The following ZFP64 variants were observed in gnomAD, a reference collection of about 807,000 sequenced individuals.
ZFP64 encodes the protein zinc finger protein 64.
ZFP64 carries 14 observed loss-of-function variants against 51.6 expected under a neutral mutation model. The observed-to-expected ratio is 0.27, with a 90% CI of 0.18 to 0.42. ZFP64 has a LOEUF of 0.42. Ranked by LOEUF, ZFP64 falls within the 10% of genes least tolerant of loss-of-function variation. ZFP64 has a pLI of 1.00. For synonymous variants in ZFP64, 375 were observed against 361.4 expected (o/e 1.04, Z -0.43); for missense variants, 754 against 906.8 (o/e 0.83, Z 2.16).
rs541249764 is a variant in ZFP64, at chr20:52,110,332, T to C, written c.764-11745A>G. On this transcript the variant is annotated intron_variant, in intron 5 of 8. Coordinates refer to the ZFP64 transcript ENST00000361387. ...ACCCCTACCAAACCCTGGAAAACCA[T>C]AGAGAGCCTTTTTACAACTCCTCGT... 453 of 494,074 alleles carry C rather than the reference T, an allele frequency of 9.2e-4. 1 individual carries two copies. Among genetic ancestry groups the C allele is most frequent in the Non-Finnish European group, 1.4e-3 (392 of 275,078 alleles). The allele number at this position is 494,074 out of a possible 1,614,324, so 30.6% of individuals were successfully genotyped here.
At chr20:52,162,631 A>C (rs1432800594) in intron 4 of ZFP64, among the ~76,000 whole-genome samples, 1 of 152,164 alleles carries the variant, frequency 6.6e-6, no homozygotes, top group East Asian at 1.9e-4. Context: ...TGTCTCAAAA[A>C]AACAAAACAA....
downstream of ZFP64, among the ~76,000 whole-genome samples, chr20:52,146,532 G>C (rs1465349731): frequency 7.0e-6 from 1 of 143,484 alleles, no homozygotes; most frequent in African/African-American, 2.6e-5. Context: ...TGAACAATGA[G>C]AACACATGGA....
chr20:52,107,656 T>A (rs531219871), intron 5 of ZFP64, among the ~76,000 whole-genome samples: 1 of 152,372 alleles, frequency 6.6e-6, no homozygotes, highest in Non-Finnish European at 1.5e-5. Flanking sequence ...TTTTTTCACT[T>A]AATATTATTT....
intron 2 of ZFP64, among the ~76,000 whole-genome samples, chr20:52,173,480 T>C (rs939179617): frequency 2.0e-5 from 3 of 152,070 alleles, no homozygotes; most frequent in Non-Finnish European, 4.4e-5. Flanking sequence ...TTCAGCTAAT[T>C]GTGGGGCTGA....
chr20:52,173,033 C>G (rs1298247623), intron 2 of ZFP64, among the ~76,000 whole-genome samples: 10 of 152,096 alleles, frequency 6.6e-5, no homozygotes, highest in Admixed American at 6.6e-4. Context: ...TAATCCACAT[C>G]TATTTCTCTG....
chr20:52,091,302 A>G (rs774832120), intron 7 of ZFP64, among the ~76,000 whole-genome samples: 13 of 152,214 alleles, frequency 8.5e-5, no homozygotes, highest in Non-Finnish European at 1.5e-4. Context: ...GGTTGAGACC[A>G]GCCTGGGCAA....
chr20:52,184,141 T>C (rs529952931), intron 2 of ZFP64, among the ~76,000 whole-genome samples: 1 of 152,298 alleles, frequency 6.6e-6, no homozygotes, highest in Non-Finnish European at 1.5e-5. Context: ...CCACTGCGCC[T>C]GGCCCTGACG....
chr20:52,147,292 C>T (rs1980572756), downstream of ZFP64, among the ~76,000 whole-genome samples: 1 of 152,098 alleles, frequency 6.6e-6, no homozygotes, highest in Non-Finnish European at 1.5e-5. Context: ...GCCTCCACCT[C>T]CTGGGTTCAA....
chr20:52,159,530 A>G (rs1163026839), intron 5 of ZFP64, among the ~76,000 whole-genome samples: 4 of 152,204 alleles, frequency 2.6e-5, no homozygotes, highest in African/African-American at 7.2e-5. Flanking sequence ...TTTACTGAGA[A>G]AGGCTCTTCA....
At chr20:52,103,750 G>C (rs771934358) in intron 5 of ZFP64, among the ~76,000 whole-genome samples, 2 of 152,202 alleles carry the variant, frequency 1.3e-5, no homozygotes, top group African/African-American at 4.8e-5. Context: ...CCCAGGGGAC[G>C]GGATCCTGTA....
At chr20:52,097,103 C>T in intron 7 of ZFP64, 1 of 693,558 alleles carries the variant, frequency 1.4e-6, no homozygotes, top group Non-Finnish European at 2.6e-6. Context: ...TTCTCAGCAG[C>T]TGGCTGCCCT....
intron 7 of ZFP64, among the ~76,000 whole-genome samples, chr20:52,096,521 T>G (rs879428542): frequency 1.3e-5 from 2 of 152,226 alleles, no homozygotes; most frequent in Admixed American, 1.3e-4. Context: ...ACCAATATTC[T>G]CGCTCAAACA....
chr20:52,175,804 A>G (rs988112726), intron 2 of ZFP64: 55 of 633,756 alleles, frequency 8.7e-5, no homozygotes, highest in Non-Finnish European at 1.0e-4. Context: ...AGATCGCACT[A>G]CACTCCAGCC....
In ZFP64 at chr20:52,160,180, A is replaced by G. The variant is rs1981664137; in HGVS notation, c.706T>C (p.Cys236Arg). Residue 236 changes from cysteine (C) to arginine (R), a missense_variant, in exon 5 of 6, where the codon TGC (cysteine) becomes CGC (arginine). This residue lies in a region of ZFP64 where 231 missense variants were observed against 336.7 expected (regional missense o/e 0.69). Coordinates refer to ENST00000216923, the MANE Select transcript of ZFP64 (RefSeq NM_018197.3). The surrounding 1 kb of genome is among the most constrained non-coding windows in gnomAD (Gnocchi z 4.2). The part of the protein sequence containing the change: ...SDERPFKCQI[C>R]PYASRNSSQL... The stretch of plus-strand genomic sequence containing the variant: ...CTGGAGTTGCGGCTGGCGTAGGGGC[A>G]GATCTGGCATTTGAAGGGCCGCTCG... 6.2e-7 allele frequency: 1 copy of G among 1,614,210 alleles called. No homozygotes were observed. The highest frequency in any genetic ancestry group is 8.5e-7 in the Non-Finnish European group (1 of 1,180,040).
At chr20:52,114,058 C>A (rs570806159) in intron 5 of ZFP64, among the ~76,000 whole-genome samples, 2 of 152,146 alleles carry the variant, frequency 1.3e-5, no homozygotes, top group Admixed American at 6.5e-5. Context: ...CTCTTTTAAG[C>A]GACCAACTTT....
At chr20:52,138,231 G>A (rs1045111664) in intron 5 of ZFP64, among the ~76,000 whole-genome samples, 5 of 151,814 alleles carry the variant, frequency 3.3e-5, no homozygotes, top group African/African-American at 9.7e-5. Flanking sequence ...AAATTGGAAT[G>A]TAACTGTCAG....
At chr20:52,096,476 G>T (rs537850444) in intron 7 of ZFP64, among the ~76,000 whole-genome samples, 1 of 152,240 alleles carries the variant, frequency 6.6e-6, no homozygotes, top group Non-Finnish European at 1.5e-5. Context: ...ACTGGATTAC[G>T]TTTAAGCCAC....
chr20:52,116,925 C>A (rs771943703), intron 5 of ZFP64, among the ~76,000 whole-genome samples: 15 of 152,068 alleles, frequency 9.9e-5, no homozygotes, highest in Non-Finnish European at 1.6e-4. Flanking sequence ...CAAAAATTAG[C>A]TGGGCATGGT....
chr20:52,101,641 C>T (rs1282595762), intron 5 of ZFP64, among the ~76,000 whole-genome samples: 1 of 152,024 alleles, frequency 6.6e-6, no homozygotes, highest in African/African-American at 2.4e-5. Context: ...CTCCTGAGCT[C>T]GAGCAATCTG....
Sources: allele counts gnomAD v4.1 joint callset (sites outside exome capture counted in the v4.1 genomes callset), GRCh38; gene constraint gnomAD v4.1.1; regional missense constraint gnomAD v4.1.1; non-coding constraint Gnocchi (gnomAD v3.1); transcripts MANE v1.5; gene names NCBI Gene and HGNC (gene_info 2026-07-23, HGNC 2026-07-21).